The following VPS13D variants were observed in gnomAD, a reference collection of about 807,000 sequenced individuals.
VPS13D encodes the protein intermembrane lipid transfer protein VPS13D.
Under a neutral mutation model 461.9 loss-of-function variants are expected in VPS13D, and 187 were observed. The observed-to-expected ratio is 0.40, with a 90% CI of 0.36 to 0.46. The LOEUF is 0.46. Among genes scored for constraint, VPS13D ranks in the 20% least tolerant of loss-of-function variants. The probability of loss-of-function intolerance (pLI) is 0.60; values close to 1 mark genes in which losing one functional copy is unlikely to be tolerated. For synonymous variants in VPS13D, 1,951 were observed against 1,986.3 expected, an observed-to-expected ratio of 0.98 and a Z score of 0.47; for missense variants, 4,711 against 5,364.9, an observed-to-expected ratio of 0.88 and a Z score of 3.81.
chr1:12,316,229 G>C (rs1442928249), intron 30 of VPS13D, among the ~76,000 whole-genome samples: 1 of 152,174 alleles, frequency 6.6e-6, no homozygotes, highest in Non-Finnish European at 1.5e-5. Context: ...GGAAATATTT[G>C]TGTATTATAG....
rs1646052771 is a variant in VPS13D, at chr1:12,502,811, A to G, written c.12795-4042A>G. ...AGGATGTGTGGGGAAAGGAGGGGTC[A>G]TCCCCCACAGGTTTGGGGTAACTGG... On this transcript the variant is annotated intron_variant, in intron 68 of 69. Transcript: ENST00000620676. This position sits in a 1 kb window ranked among gnomAD's most constrained non-coding sequence, Gnocchi z 4.3. 6.6e-6 allele frequency among the ~76,000 whole-genome samples: 1 copy of G among 152,068 alleles called. No individual in the cohort carries two copies. The highest frequency in any genetic ancestry group is 2.1e-4 in the South Asian group (1 of 4,810).
At chr1:12,404,587 A>G (rs1644625941) in intron 63 of VPS13D, among the ~76,000 whole-genome samples, 1 of 152,184 alleles carries the variant, frequency 6.6e-6, no homozygotes, top group South Asian at 2.1e-4. Flanking sequence ...TTCAGCCATA[A>G]AGTTTATCTT....
chr1:12,319,286 T>C (rs1402229767), intron 31 of VPS13D, among the ~76,000 whole-genome samples: 1 of 152,258 alleles, frequency 6.6e-6, no homozygotes, highest in African/African-American at 2.4e-5. Context: ...TTCCTGCTGC[T>C]GCAGAGCTCT....
chr1:12,331,666 C>T lies in VPS13D; in HGVS notation c.8288-1560C>T, dbSNP rs193240156. Among the ~76,000 whole-genome samples the T allele has an allele frequency of 2.9e-3, 421 of 143,672 alleles. 2 individuals are homozygous for T. The highest frequency in any genetic ancestry group is 4.6e-3 in the Non-Finnish European group (305 of 66,882). The allele number at this position is 143,672 out of a possible 152,430, so 94.3% of individuals were successfully genotyped here. A position where few individuals can be genotyped will look rare whatever the true frequency, so the allele number is the denominator to read the frequency against. ...GGTGGAGATTACAGTGAGCCAAGATCGTGCCACTGCACTCCAGCCTAGGCG... is the reference window on the plus strand; with the variant it reads ...GGTGGAGATTACAGTGAGCCAAGATTGTGCCACTGCACTCCAGCCTAGGCG... On this transcript the variant is annotated intron_variant, in intron 37 of 69. Coordinates refer to ENST00000620676, the MANE Select transcript of VPS13D (RefSeq NM_015378.4).
intron 61 of VPS13D, among the ~76,000 whole-genome samples, chr1:12,401,082 T>C (rs903235044): frequency 6.6e-6 from 1 of 152,140 alleles, no homozygotes; most frequent in African/African-American, 2.4e-5. Context: ...GTTACCACAC[T>C]GTTTACCAAA....
At chr1:12,292,350 T>TA (rs1340780733) in intron 23 of VPS13D, among the ~76,000 whole-genome samples, 1 of 150,636 alleles carries the variant, frequency 6.6e-6, no homozygotes, top group Non-Finnish European at 1.5e-5. Flanking sequence ...TTCTTTTTTT[T>TA]AATCTAAGAG....
rs982535480 is a variant in VPS13D, at chr1:12,403,686, T to C, written c.11882-139T>C. On this transcript the variant is annotated intron_variant, in intron 62 of 69. Transcript: ENST00000620676. Reference sequence around the variant, plus strand: ...CATCAGAATACTATACACGTCACTGTACCCTCACAAACTAAATCGAGAGTG... The same window carrying C: ...CATCAGAATACTATACACGTCACTGCACCCTCACAAACTAAATCGAGAGTG... 1.1e-5 allele frequency: 8 copies of C among 754,770 alleles called. No individual in the cohort carries two copies. The African/African-American group carries it at 1.3e-4, about 12-fold the overall frequency. The allele number at this position is 754,770 out of a possible 1,614,324, so 46.8% of individuals were successfully genotyped here. A position where few individuals can be genotyped will look rare whatever the true frequency, so the allele number is the denominator to read the frequency against.
chr1:12,368,134 G>C (rs1295964723), intron 52 of VPS13D, among the ~76,000 whole-genome samples: 1 of 151,992 alleles, frequency 6.6e-6, no homozygotes, highest in Non-Finnish European at 1.5e-5. Flanking sequence ...TTTCCGTTAA[G>C]GTAAACTTTC....
intron 40 of VPS13D, 148 bp from the exon 41 acceptor site, chr1:12,341,632 G>A: frequency 3.2e-6 from 2 of 616,288 alleles, no homozygotes; most frequent in Non-Finnish European, 5.5e-6. Context: ...AATACGTGGA[G>A]CTTCCATTTG....
chr1:12,256,526 C>T (rs1640926551), intron 8 of VPS13D, 23 bp downstream of exon 8: 1 of 1,610,570 alleles, frequency 6.2e-7, no homozygotes, highest in South Asian at 1.1e-5. Context: ...TTCTCAGTGG[C>T]ATCTACTTAC....
At chr1:12,269,750 C>T (rs1050623312) in intron 16 of VPS13D, among the ~76,000 whole-genome samples, 2 of 152,170 alleles carry the variant, frequency 1.3e-5, no homozygotes, top group African/African-American at 4.8e-5. Flanking sequence ...GTCCCTTCCC[C>T]CTTTATTACA....
intron 65 of VPS13D, among the ~76,000 whole-genome samples, chr1:12,423,761 A>G (rs993955800): frequency 3.3e-5 from 5 of 152,208 alleles, no homozygotes; most frequent in African/African-American, 1.2e-4. Context: ...CCAGCCTTCT[A>G]TCATATATAC....
intron 60 of VPS13D, among the ~76,000 whole-genome samples, chr1:12,396,029 A>ATATATATATATATATATAT (rs1553187933): frequency 4.2e-5 from 5 of 119,868 alleles, no homozygotes; most frequent in African/African-American, 1.9e-4. Flanking sequence ...ATATATATAT[A>ATATATATATATATATATAT]GTTCTTTAAG....
intron 29 of VPS13D, among the ~76,000 whole-genome samples, 174 bp downstream of exon 29, chr1:12,312,099 T>C (rs939850587): frequency 6.6e-6 from 1 of 152,242 alleles, no homozygotes; most frequent in African/African-American, 2.4e-5. Flanking sequence ...ATTCATGCTC[T>C]ATCAGTCAAC....
At chr1:12,480,885 G>A (rs755201398) in intron 67 of VPS13D, among the ~76,000 whole-genome samples, 1 of 152,176 alleles carries the variant, frequency 6.6e-6, no homozygotes, top group Non-Finnish European at 1.5e-5. Flanking sequence ...CTTTGGAAAG[G>A]GAGCAATGAA....
chr1:12,392,998 A>G (rs1020089353), intron 60 of VPS13D, among the ~76,000 whole-genome samples: 13 of 152,230 alleles, frequency 8.5e-5, no homozygotes, highest in African/African-American at 3.1e-4. Context: ...TAGGCCCACT[A>G]GGCATTGTAA....
At chr1:12,332,526 G>A (rs953439167) in intron 37 of VPS13D, among the ~76,000 whole-genome samples, 1 of 152,150 alleles carries the variant, frequency 6.6e-6, no homozygotes. Context: ...CAGTCTAAAT[G>A]TTCTTAAGAA....
intron 55 of VPS13D, among the ~76,000 whole-genome samples, chr1:12,377,730 G>C (rs982141885): frequency 2.8e-5 from 4 of 144,732 alleles, no homozygotes; most frequent in African/African-American, 1.0e-4. Flanking sequence ...TGAGGCAGGA[G>C]AATTCGCCTG....
rs185998020 is a variant in VPS13D at position 12,264,378 on chromosome 1, G to A, written c.1594+2298G>A. On this transcript the variant is annotated intron_variant, in intron 13 of 69. Transcript: ENST00000620676. ...AGGAAGACGTCGAAAGCTGAGATAG[G>A]CCAAAAGCTAGGCCACTTGTGCCAA... Among the ~76,000 whole-genome samples the A allele has an allele frequency of 5.9e-5, 9 of 152,336 alleles. 1 individual carries two copies. The East Asian group carries it at 1.7e-3, about 29-fold the overall frequency.
Sources: gnomAD v4.1 joint callset for allele counts (sites outside exome capture counted in the v4.1 genomes callset) on GRCh38, gnomAD v4.1.1 for gene constraint, Gnocchi (gnomAD v3.1) non-coding constraint, MANE v1.5 for transcripts, NCBI Gene and HGNC (gene_info 2026-07-23, HGNC 2026-07-21) for gene names.